Variants in FGF12 observed in about 807,000 individuals in gnomAD.
The protein encoded by FGF12 is fibroblast growth factor 12B.
In FGF12, 14 loss-of-function variants were observed where a neutral mutation model predicts 23.6. The observed-to-expected ratio is 0.59, with a 90% CI of 0.39 to 0.93. The LOEUF (loss-of-function observed/expected upper bound fraction) is 0.93. Ranked by LOEUF, FGF12 falls within the 40% of genes least tolerant of loss-of-function variation. FGF12 has a pLI of 0.00. For missense variants in FGF12, 175 were observed against 217.8 expected, an observed-to-expected ratio of 0.80 and a Z score of 1.24; for synonymous variants, 62 against 77.3, an observed-to-expected ratio of 0.80 and a Z score of 1.04.
At chr3:192,585,269 C>G (rs1298572004) in intron 2 of FGF12, among the ~76,000 whole-genome samples, 1 of 152,096 alleles carries the variant, frequency 6.6e-6, no homozygotes, top group East Asian at 1.9e-4. Context: ...ATTTTAGACT[C>G]CACAAAAACC....
At chr3:192,649,724 A>ATTTT (rs3044628) in intron 2 of FGF12, among the ~76,000 whole-genome samples, 1 of 149,088 alleles carries the variant, frequency 6.7e-6, no homozygotes. Flanking sequence ...TGCCTGGCTA[A>ATTTT]TTTTTTTTTT....
intron 2 of FGF12, among the ~76,000 whole-genome samples, chr3:192,691,987 T>C (rs1156943508): frequency 6.6e-6 from 1 of 152,036 alleles, no homozygotes; most frequent in Non-Finnish European, 1.5e-5. Context: ...ATCATGAACA[T>C]ACAAATAACA....
At chr3:192,345,276 C>G (rs1717898560) in intron 3 of FGF12, among the ~76,000 whole-genome samples, 1 of 152,140 alleles carries the variant, frequency 6.6e-6, no homozygotes, top group South Asian at 2.1e-4. Context: ...CTTTACAGAC[C>G]AGGAAACTGA....
rs11394352 is a variant in FGF12, at chr3:192,167,731, GTA to G, written c.427+2725_427+2726del. On this transcript the variant is annotated intron_variant, in intron 5 of 5. Transcript: ENST00000445105. ...CTAAAATTAGGAGGGTAGGTTATAG[GTA>G]TATATATATATATATATATATATAT... Among the ~76,000 whole-genome samples, 136 of 25,044 alleles carry G rather than the reference GTA, an allele frequency of 5.4e-3. 1 individual carries two copies. The East Asian group carries it at 0.055, about 10-fold the overall frequency. 16.4% of individuals were successfully genotyped at this position (25,044 alleles called of 152,430 possible). A position where few individuals can be genotyped will look rare whatever the true frequency, so the allele number is the denominator to read the frequency against.
intron 2 of FGF12, among the ~76,000 whole-genome samples, chr3:192,493,888 T>C (rs962535559): frequency 6.6e-5 from 10 of 152,236 alleles, no homozygotes; most frequent in East Asian, 3.9e-4. Flanking sequence ...ACCTGAGATT[T>C]GGATGGGGAC....
chr3:192,675,267 G>T (rs981269313), intron 2 of FGF12, among the ~76,000 whole-genome samples: 1 of 150,302 alleles, frequency 6.7e-6, no homozygotes, highest in Non-Finnish European at 1.5e-5. Context: ...AAGAGTGTGG[G>T]TATAAAACTC....
chr3:192,241,109 A>G (rs1191933344), intron 4 of FGF12, among the ~76,000 whole-genome samples: 1 of 152,210 alleles, frequency 6.6e-6, no homozygotes, highest in Non-Finnish European at 1.5e-5. Context: ...CCAATTTTTA[A>G]CATGTAAGAA....
intron 2 of FGF12, among the ~76,000 whole-genome samples, chr3:192,392,590 CCGAG>C (rs1163019328): frequency 0.019 from 1,723 of 89,020 alleles, 23 homozygotes; most frequent in East Asian, 0.063. Flanking sequence ...AAGTGAAACT[CCGAG>C]AGAGAGAGAG....
At chr3:192,568,131 C>A (rs1712427302) in intron 2 of FGF12, among the ~76,000 whole-genome samples, 1 of 152,098 alleles carries the variant, frequency 6.6e-6, no homozygotes, top group Non-Finnish European at 1.5e-5. Context: ...CATGCCCCGC[C>A]CTTTGCATGT....
At position 192,249,557 on chromosome 3, in the gene FGF12, C is replaced by T. The variant is rs79588959; in HGVS notation, c.229-78901G>A. On this transcript the variant is annotated intron_variant, in intron 4 of 5. Coordinates refer to ENST00000445105, the MANE Select transcript of FGF12 (RefSeq NM_004113.6). ...GAGAGGAGTTTTTTTTTTCTCAACA[C>T]GTAGAATCAGGGTCTTAAGAATGAC... Among the ~76,000 whole-genome samples the T allele has an allele frequency of 1.1e-4, 16 of 151,828 alleles. 1 individual carries two copies. In the East Asian group the frequency reaches 1.9e-3, roughly 18 times the overall value.
chr3:192,621,919 C>T (rs915199057), intron 2 of FGF12, among the ~76,000 whole-genome samples: 13 of 151,908 alleles, frequency 8.6e-5, no homozygotes, highest in Non-Finnish European at 1.8e-4. Flanking sequence ...TACCCTGTGA[C>T]GAGAAGTCAA....
At chr3:192,578,667 G>C (rs1191803178) in intron 2 of FGF12, among the ~76,000 whole-genome samples, 1 of 152,036 alleles carries the variant, frequency 6.6e-6, no homozygotes, top group South Asian at 2.1e-4. Context: ...ATCTTTACTT[G>C]CTGGACATTC....
chr3:192,675,418 TATA>T (rs1401657095), intron 2 of FGF12, among the ~76,000 whole-genome samples: 1 of 152,172 alleles, frequency 6.6e-6, no homozygotes, highest in Non-Finnish European at 1.5e-5. Context: ...TATTTTATGA[TATA>T]AGAGGATTAT....
chr3:192,521,738 C>G (rs944329287), intron 2 of FGF12, among the ~76,000 whole-genome samples: 6 of 152,268 alleles, frequency 3.9e-5, no homozygotes, highest in African/African-American at 1.4e-4. Flanking sequence ...ACAGCTTCCT[C>G]GTAGTTCCCA....
chr3:192,372,391 T>TCACACA (rs58664869), intron 2 of FGF12, among the ~76,000 whole-genome samples: 2,963 of 149,052 alleles, frequency 0.02, 47 homozygotes, highest in East Asian at 0.042. Flanking sequence ...TTTCATACCA[T>TCACACA]CACACACACA....
At chr3:192,474,452 T>C (rs1201743069) in intron 2 of FGF12, among the ~76,000 whole-genome samples, 6 of 152,190 alleles carry the variant, frequency 3.9e-5, no homozygotes, top group African/African-American at 1.4e-4. Context: ...GTCACAGTGA[T>C]TGGTGCTTGG....
chr3:192,573,720 A>T lies in FGF12; in HGVS notation c.13+153461T>A, dbSNP rs964175481. 2.0e-5 allele frequency among the ~76,000 whole-genome samples: 3 copies of T among 152,192 alleles called. No individual in the cohort carries two copies. In the East Asian group the frequency reaches 5.8e-4, roughly 29 times the overall value. The stretch of plus-strand genomic sequence containing the variant: ...ACTAACATAATACCTATTTTACGAT[A>T]CTTATTAGAAAAAATAAAACCCAAC... On this transcript the variant is annotated intron_variant, in intron 2 of 5. Transcript: ENST00000445105.
chr3:192,392,591 C>A (rs144422437), intron 2 of FGF12, among the ~76,000 whole-genome samples: 8 of 41,868 alleles, frequency 1.9e-4, no homozygotes, highest in African/African-American at 9.5e-4. Context: ...AGTGAAACTC[C>A]GAGAGAGAGA....
At chr3:192,243,797 A>C (rs1259345185) in intron 4 of FGF12, among the ~76,000 whole-genome samples, 1 of 152,148 alleles carries the variant, frequency 6.6e-6, no homozygotes, top group Admixed American at 6.5e-5. Context: ...AAATGCCATA[A>C]ACCAATCAAA....
Sources: allele counts gnomAD v4.1 joint callset (sites outside exome capture counted in the v4.1 genomes callset), GRCh38; gene constraint gnomAD v4.1.1; transcripts MANE v1.5; gene names NCBI Gene and HGNC (gene_info 2026-07-23, HGNC 2026-07-21).